BRCA1: variants seen among roughly 807,000 people sequenced by gnomAD.
BRCA1 encodes the protein breast cancer type 1 susceptibility protein.
Under a neutral mutation model 173.7 loss-of-function variants are expected in BRCA1, and 140 were observed. The ratio of observed to expected loss-of-function variants is 0.81; its 90% CI spans 0.70 to 0.93. The LOEUF is 0.93. BRCA1 is among the 40% of genes least tolerant of loss of function. BRCA1 has a pLI of 0.00. For synonymous variants in BRCA1, 662 were observed against 756.0 expected, an observed-to-expected ratio of 0.88 and a Z score of 2.04; for missense variants, 1,983 against 2,172.5, an observed-to-expected ratio of 0.91 and a Z score of 1.73.
intron 2 of BRCA1, among the ~76,000 whole-genome samples, chr17:43,121,239 G>T (rs1325050050): frequency 6.6e-6 from 1 of 151,886 alleles, no homozygotes; most frequent in Non-Finnish European, 1.5e-5. Flanking sequence ...GCCGGGCATA[G>T]TGGTGGGCGC....
chr17:43,127,806 C>A (rs1296508427), upstream of BRCA1, among the ~76,000 whole-genome samples: 6 of 151,938 alleles, frequency 3.9e-5, no homozygotes, highest in Non-Finnish European at 7.4e-5. Context: ...GGGTGGATCA[C>A]GAGGTCAAGA....
At chr17:43,156,812 T>A (rs948694767) in intron 1 of BRCA1, among the ~76,000 whole-genome samples, 1 of 152,142 alleles carries the variant, frequency 6.6e-6, no homozygotes, top group African/African-American at 2.4e-5. Context: ...AAACATAAAC[T>A]GTGAACAGAT....
At chr17:43,076,146 A>C (rs533137251) in intron 13 of BRCA1, among the ~76,000 whole-genome samples, 1 of 152,142 alleles carries the variant, frequency 6.6e-6, no homozygotes, top group East Asian at 1.9e-4. Context: ...CAACAGCTAG[A>C]CTTTTTCTAG....
chr17:43,145,325 C>CTT (rs2056113053), intron 1 of BRCA1: 1 of 466,034 alleles, frequency 2.1e-6, no homozygotes. Context: ...AATTTTTTTT[C>CTT]TTTCTTTTTT....
At chr17:43,084,593 CT>C (rs1425550249) in intron 11 of BRCA1, among the ~76,000 whole-genome samples, 4 of 152,218 alleles carry the variant, frequency 2.6e-5, no homozygotes, top group African/African-American at 9.6e-5. Context: ...TTAAAAATGA[CT>C]TTGCCCTTTA....
At chr17:43,101,728 C>T (rs956696302) in intron 6 of BRCA1, among the ~76,000 whole-genome samples, 7 of 151,924 alleles carry the variant, frequency 4.6e-5, no homozygotes, top group African/African-American at 1.7e-4. Context: ...TCTCAAACTC[C>T]TGACCTCAAA....
At chr17:43,052,115 C>T (rs1333073423) in intron 19 of BRCA1, among the ~76,000 whole-genome samples, 1 of 152,158 alleles carries the variant, frequency 6.6e-6, no homozygotes, top group Non-Finnish European at 1.5e-5. Context: ...TCACACTGCA[C>T]TGCCTCTTCC....
In BRCA1 at chr17:43,092,325, TG is replaced by T. The variant is rs886040103; in HGVS notation, c.3205del (p.Gln1069LysfsTer4). The T allele has an allele frequency of 6.2e-7, 1 of 1,613,974 alleles. No homozygotes were observed. The highest frequency in any genetic ancestry group is 8.5e-7 in the Non-Finnish European group (1 of 1,180,018). On this transcript the variant is annotated frameshift_variant, in exon 10 of 23. Transcript: ENST00000357654. LOFTEE classifies it high-confidence loss of function. ...NEIGSSDENIQAELGRNRGPK... is the reference protein window; with the variant it reads ...NEIGSSDENIXAELGRNRGPK... The stretch of plus-strand genomic sequence containing the variant: ...CCCTCTGTTTCTACCTAGTTCTGCT[TG>T]AATGTTTTCATCACTGGAACCTATT...
chr17:43,090,844 C>T lies in BRCA1; in HGVS notation c.4185+100G>A, dbSNP rs2053423029. On this transcript the variant is annotated intron_variant, in intron 11 of 22. Coordinates refer to ENST00000357654, the MANE Select transcript of BRCA1 (RefSeq NM_007294.4). ...ACCACAAACAATTGTGCCATTAATTCAAAGAGATGATGTCAGCAAACCTAA... is the reference window on the plus strand; with the variant it reads ...ACCACAAACAATTGTGCCATTAATTTAAAGAGATGATGTCAGCAAACCTAA... 12 of 1,135,536 alleles carry T rather than the reference C, an allele frequency of 1.1e-5. 1 individual carries two copies. In the South Asian group the frequency reaches 1.5e-4, roughly 14 times the overall value. The allele number at this position is 1,135,536 out of a possible 1,614,324, so 70.3% of individuals were successfully genotyped here. A position where few individuals can be genotyped will look rare whatever the true frequency, so the allele number is the denominator to read the frequency against.
chr17:43,066,078 G>T (rs981692397), intron 16 of BRCA1, among the ~76,000 whole-genome samples: 4 of 152,144 alleles, frequency 2.6e-5, no homozygotes, highest in Admixed American at 6.5e-5. Context: ...ATACAGTGGG[G>T]CTCTGGATCT....
intron 1 of BRCA1, chr17:43,124,795 C>T: frequency 3.9e-6 from 1 of 256,252 alleles, no homozygotes; most frequent in Non-Finnish European, 7.8e-6. Context: ...CTCGCTCTGT[C>T]GCCCAGGCTG....
chr17:43,164,521 G>A (rs1304473724), intron 1 of BRCA1: 1 of 152,250 alleles, frequency 6.6e-6, no homozygotes, highest in African/African-American at 2.4e-5. Context: ...TTAATAACTA[G>A]ATGGTCAGCA....
upstream of BRCA1, among the ~76,000 whole-genome samples, chr17:43,128,999 C>T (rs1189682433): frequency 1.3e-5 from 2 of 151,884 alleles, no homozygotes; most frequent in Non-Finnish European, 2.9e-5. Context: ...CTGGTGGAGA[C>T]AGTAACCAAA....
rs1037984680 is a variant in BRCA1, at chr17:43,115,843, G to T, written c.81-64C>A. 9.3e-6 allele frequency: 14 copies of T among 1,499,180 alleles called. No homozygotes were observed. In the Admixed American group the frequency reaches 2.7e-4, roughly 29 times the overall value. 92.9% of individuals were successfully genotyped at this position (1,499,180 alleles called of 1,614,324 possible). On this transcript the variant is annotated intron_variant, in intron 2 of 22. Coordinates refer to ENST00000357654, the MANE Select transcript of BRCA1 (RefSeq NM_007294.4). ...GCTCAATAATTTATTTAAAAATAAA[G>T]CTATTCTTAGTGAATAAGTTCAACT...
rs117979824 is a variant in BRCA1, at chr17:43,073,012, A to C, written c.4675+1319T>G. Among the ~76,000 whole-genome samples the C allele has an allele frequency of 2.8e-3, 431 of 151,750 alleles. 3 individuals are homozygous for C. Among genetic ancestry groups the C allele is most frequent in the Non-Finnish European group, 3.9e-3 (267 of 67,944 alleles). On this transcript the variant is annotated intron_variant, in intron 14 of 22. Coordinates refer to ENST00000357654, the MANE Select transcript of BRCA1 (RefSeq NM_007294.4). ...GATTACAGGCATGAGCAGTGGCTGT[A>C]ATCTGTCCTTATTTTATCTTTTAAG...
Position 43,091,723 on chromosome 17 carries a change from A to G in BRCA1, c.3808T>C (p.Cys1270Arg), listed in dbSNP as rs2154285914. ...LLSLKNSLND[C>R]SNQVILAKAS... ...TTTGCCAATATTACCTGGTTACTGC[A>G]GTCATTTAAGCTATTCTTCAATGAT... Residue 1270 changes from cysteine (C) to arginine (R), a missense_variant, in exon 10 of 23, where the codon TGC becomes CGC. Transcript: ENST00000357654. 1 of 1,614,228 alleles carries G rather than the reference A, an allele frequency of 6.2e-7. No homozygotes were observed.
At chr17:43,138,847 A>AC (rs1173145777) in intron 1 of BRCA1, 5 of 778,632 alleles carry the variant, frequency 6.4e-6, no homozygotes, top group Non-Finnish European at 1.2e-5. Flanking sequence ...CAGCCTGGGG[A>AC]CCGTGGGGCT....
intron 1 of BRCA1, among the ~76,000 whole-genome samples, chr17:43,136,232 A>T (rs2056022204): frequency 6.6e-6 from 1 of 152,212 alleles, no homozygotes; most frequent in Non-Finnish European, 1.5e-5. Flanking sequence ...GGCTAGCCAT[A>T]TGCAGAAAAC....
intron 22 of BRCA1, among the ~76,000 whole-genome samples, 178 bp downstream of exon 22, chr17:43,047,465 T>C (rs529600329): frequency 6.2e-4 from 95 of 152,318 alleles, no homozygotes; most frequent in Middle Eastern, 3.4e-3. Flanking sequence ...AGTTCATGTA[T>C]TACTTTTACA....
Sources: allele counts gnomAD v4.1 joint callset (sites outside exome capture counted in the v4.1 genomes callset), GRCh38; gene constraint gnomAD v4.1.1; transcripts MANE v1.5; gene names NCBI Gene and HGNC (gene_info 2026-07-23, HGNC 2026-07-21).